NME7: variants seen among roughly 807,000 people sequenced by gnomAD.
The protein encoded by NME7 is nucleoside diphosphate kinase 7.
Under a neutral mutation model 49.1 loss-of-function variants are expected in NME7, and 41 were observed. That is an observed-to-expected ratio of 0.83 (90% CI 0.65 to 1.08). NME7 has a LOEUF of 1.08. Among genes scored for constraint, NME7 ranks in the 50% least tolerant of loss-of-function variants. NME7 has a pLI of 0.00. For synonymous variants in NME7, 139 were observed against 150.6 expected (o/e 0.92, Z 0.56); for missense variants, 423 against 463.4 (o/e 0.91, Z 0.80).
At chr1:169,214,879 G>A (rs1194690457) in intron 10 of NME7, among the ~76,000 whole-genome samples, 1 of 152,248 alleles carries the variant, frequency 6.6e-6, no homozygotes, top group Non-Finnish European at 1.5e-5. Flanking sequence ...TGCTCTCTTA[G>A]CTCCACCACC....
chr1:169,335,870 G>A (rs1265615526), intron 1 of NME7, among the ~76,000 whole-genome samples: 1 of 151,200 alleles, frequency 6.6e-6, no homozygotes, highest in African/African-American at 2.4e-5. Flanking sequence ...TTCCAGTAAG[G>A]GTGAGTGAAA....
chr1:169,236,549 T>A (rs1438566255), intron 8 of NME7, among the ~76,000 whole-genome samples: 2 of 152,144 alleles, frequency 1.3e-5, no homozygotes, highest in Non-Finnish European at 2.9e-5. Flanking sequence ...CATTTCTATA[T>A]TTTTTTAAAT....
intron 1 of NME7, among the ~76,000 whole-genome samples, chr1:169,335,777 T>C (rs1004258684): frequency 4.1e-5 from 6 of 147,486 alleles, no homozygotes; most frequent in Non-Finnish European, 7.4e-5. Context: ...TTTATATATA[T>C]GTTTCAGAAG....
At chr1:169,231,081 AG>A (rs1307595181) in intron 9 of NME7, among the ~76,000 whole-genome samples, 1 of 152,178 alleles carries the variant, frequency 6.6e-6, no homozygotes, top group East Asian at 1.9e-4. Flanking sequence ...ATGATCTTCT[AG>A]TATATCTTCC....
At chr1:169,157,512 A>G (rs1242159448) in intron 11 of NME7, among the ~76,000 whole-genome samples, 2 of 152,118 alleles carry the variant, frequency 1.3e-5, no homozygotes, top group Non-Finnish European at 2.9e-5. Flanking sequence ...CATACCACAT[A>G]TCTCAGGCCT....
At chr1:169,315,020 A>G (rs531954047) in intron 3 of NME7, among the ~76,000 whole-genome samples, 5 of 152,136 alleles carry the variant, frequency 3.3e-5, no homozygotes, top group Non-Finnish European at 7.4e-5. Context: ...TAAATCACCT[A>G]GTAACATACC....
intron 4 of NME7, among the ~76,000 whole-genome samples, chr1:169,306,290 T>A (rs1040119399): frequency 1.3e-5 from 2 of 152,178 alleles, no homozygotes; most frequent in Non-Finnish European, 2.9e-5. Flanking sequence ...AATGGTAACA[T>A]GTTCAAATTT....
chr1:169,251,556 T>TTTA (rs1553250303), intron 7 of NME7, among the ~76,000 whole-genome samples: 9 of 127,466 alleles, frequency 7.1e-5, no homozygotes, highest in African/African-American at 2.3e-4. Flanking sequence ...TCTTTTTTTT[T>TTTA]TTTTCTTTTT....
chr1:169,241,714 T>A (rs1031000112), intron 7 of NME7, among the ~76,000 whole-genome samples: 2 of 151,842 alleles, frequency 1.3e-5, no homozygotes, highest in South Asian at 4.2e-4. Context: ...ACAACTAACT[T>A]TTTACTCAGA....
intron 8 of NME7, among the ~76,000 whole-genome samples, chr1:169,236,114 G>A (rs1259571580): frequency 6.6e-6 from 1 of 152,038 alleles, no homozygotes; most frequent in Non-Finnish European, 1.5e-5. Context: ...AGGAAATTCT[G>A]TTGGATTTCA....
chr1:169,318,101 G>A (rs893979769), intron 3 of NME7, among the ~76,000 whole-genome samples: 2 of 152,164 alleles, frequency 1.3e-5, no homozygotes, highest in Non-Finnish European at 2.9e-5. Flanking sequence ...TGGGAGGCAG[G>A]ATGAGAACCC....
At position 169,232,982 on chromosome 1, in the gene NME7, G is replaced by A. The variant is rs907037958; in HGVS notation, c.888+2149C>T. On this transcript the variant is annotated intron_variant, in intron 9 of 11. Coordinates refer to ENST00000367811, the MANE Select transcript of NME7 (RefSeq NM_013330.5). ...TTGCCCAGCTGGAGCACAGTGGCACGATCTTGGCTCACTGCAACCTCAGCC... is the reference window on the plus strand; with the variant it reads ...TTGCCCAGCTGGAGCACAGTGGCACAATCTTGGCTCACTGCAACCTCAGCC... 3.9e-5 allele frequency among the ~76,000 whole-genome samples: 5 copies of A among 128,704 alleles called. No homozygotes were observed. The East Asian group carries it at 1.2e-3, about 30-fold the overall frequency. The allele number at this position is 128,704 out of a possible 152,430, so 84.4% of individuals were successfully genotyped here. A position where few individuals can be genotyped will look rare whatever the true frequency, so the allele number is the denominator to read the frequency against.
At chr1:169,334,710 A>C (rs1652391688) in intron 1 of NME7, among the ~76,000 whole-genome samples, 2 of 152,186 alleles carry the variant, frequency 1.3e-5, no homozygotes, top group Non-Finnish European at 2.9e-5. Flanking sequence ...AAAATTGACA[A>C]TAGGATCTAA....
chr1:169,353,510 C>A (rs920854516), intron 1 of NME7, among the ~76,000 whole-genome samples: 2 of 152,038 alleles, frequency 1.3e-5, no homozygotes, highest in East Asian at 3.9e-4. Flanking sequence ...TTGACCACCA[C>A]CACACAGGCA....
At chr1:169,230,486 G>A (rs1206944371) in intron 10 of NME7, among the ~76,000 whole-genome samples, 3 of 152,026 alleles carry the variant, frequency 2.0e-5, no homozygotes, top group Non-Finnish European at 2.9e-5. Context: ...AAGAAAATGC[G>A]ATAGTAAATG....
At chr1:169,354,759 T>G (rs1211456731) in intron 1 of NME7, among the ~76,000 whole-genome samples, 1 of 141,818 alleles carries the variant, frequency 7.1e-6, no homozygotes, top group East Asian at 2.0e-4. Context: ...TATGGGTGTG[T>G]ATATATGTTT....
intron 4 of NME7, among the ~76,000 whole-genome samples, chr1:169,305,457 A>G (rs1291899846): frequency 6.6e-6 from 1 of 152,268 alleles, no homozygotes; most frequent in African/African-American, 2.4e-5. Context: ...ACATTTGAAC[A>G]AACAATTTTA....
At chr1:169,288,492 C>T (rs1354631103) in intron 6 of NME7, among the ~76,000 whole-genome samples, 1 of 151,954 alleles carries the variant, frequency 6.6e-6, no homozygotes, top group Non-Finnish European at 1.5e-5. Flanking sequence ...GAAAAAAATC[C>T]ACATATAAGT....
At chr1:169,242,791 A>C (rs1239086640) in intron 7 of NME7, among the ~76,000 whole-genome samples, 4 of 151,462 alleles carry the variant, frequency 2.6e-5, no homozygotes, top group Non-Finnish European at 5.9e-5. Flanking sequence ...TTGAACACTG[A>C]AACTAAAACT....
Sources: gnomAD v4.1 joint callset for allele counts (sites outside exome capture counted in the v4.1 genomes callset) on GRCh38, gnomAD v4.1.1 for gene constraint, MANE v1.5 for transcripts, NCBI Gene and HGNC (gene_info 2026-07-23, HGNC 2026-07-21) for gene names.